The following CNTNAP2 variants were observed in gnomAD, a reference collection of about 807,000 sequenced individuals.
CNTNAP2 encodes contactin associated protein 2.
CNTNAP2 carries 98 observed loss-of-function variants against 155.2 expected under a neutral mutation model. The observed-to-expected ratio is 0.63, with a 90% CI of 0.54 to 0.75. The LOEUF (loss-of-function observed/expected upper bound fraction) is 0.75. CNTNAP2 is among the 30% of genes least tolerant of loss of function. The pLI is 0.00. For missense variants in CNTNAP2, 1,727 were observed against 1,688.1 expected, an observed-to-expected ratio of 1.02 and a Z score of -0.40; for synonymous variants, 651 against 631.2, an observed-to-expected ratio of 1.03 and a Z score of -0.47.
rs183377921 is a variant in CNTNAP2, at chr7:147,187,703, C to T, written c.1348+55194C>T. 3.3e-4 allele frequency among the ~76,000 whole-genome samples: 50 copies of T among 152,206 alleles called. 1 individual carries two copies. The highest frequency in any genetic ancestry group is 1.1e-3 in the African/African-American group (45 of 41,530). On this transcript the variant is annotated intron_variant, in intron 8 of 23. Transcript: ENST00000361727. The stretch of plus-strand genomic sequence containing the variant: ...CATACCTTAGCATCACACTATATAT[C>T]TTTGTAAAAACCTGCATCTGTACCC...
intron 12 of CNTNAP2, among the ~76,000 whole-genome samples, chr7:147,580,059 CA>C (rs1800469755): frequency 1.3e-5 from 2 of 152,272 alleles, no homozygotes; most frequent in African/African-American, 4.8e-5. Context: ...GTAAATTATT[CA>C]ACTGGATTCT....
At chr7:147,091,002 C>A (rs182886975) in intron 4 of CNTNAP2, among the ~76,000 whole-genome samples, 18 of 152,046 alleles carry the variant, frequency 1.2e-4, no homozygotes, top group Middle Eastern at 6.8e-3. Context: ...TAAGCTTGGG[C>A]AAGTCAATCA....
rs36020816 is a variant in CNTNAP2 at position 148,405,420 on chromosome 7, A to ATTTTTTTTTTTTTTTTTTTTTTTT, written c.3716-3968_3716-3945dup. 5.0e-4 allele frequency among the ~76,000 whole-genome samples: 32 copies of ATTTTTTTTTTTTTTTTTTTTTTTT among 64,306 alleles called. 6 individuals carry two copies. The highest frequency in any genetic ancestry group is 6.4e-4 in the Non-Finnish European group (24 of 37,684). 42.2% of individuals were successfully genotyped at this position (64,306 alleles called of 152,430 possible). ...TCAAGGGAACCAGATTACCATTGTA[A>ATTTTTTTTTTTTTTTTTTTTTTTT]TTTTTTTTTTTTTTTTTTTTTTTTT... On this transcript the variant is annotated intron_variant, in intron 22 of 23. Coordinates refer to ENST00000361727, the MANE Select transcript of CNTNAP2 (RefSeq NM_014141.6).
intron 1 of CNTNAP2, among the ~76,000 whole-genome samples, chr7:146,379,158 T>G (rs1795346672): frequency 6.6e-6 from 1 of 152,200 alleles, no homozygotes; most frequent in African/African-American, 2.4e-5. Flanking sequence ...ACCCAGAACC[T>G]TGGGATTTTC....
intron 19 of CNTNAP2, among the ~76,000 whole-genome samples, chr7:148,222,064 G>A (rs931301608): frequency 2.0e-5 from 3 of 152,190 alleles, no homozygotes; most frequent in Non-Finnish European, 4.4e-5. Context: ...TGTGAGGGGA[G>A]CCTTGCTCCT....
intron 8 of CNTNAP2, among the ~76,000 whole-genome samples, chr7:147,151,641 C>A (rs562091225): frequency 6.6e-6 from 1 of 151,278 alleles, no homozygotes; most frequent in African/African-American, 2.4e-5. Context: ...TGTTTCTTTG[C>A]CAATAATTTT....
At chr7:147,981,423 G>C (rs532522123) in intron 15 of CNTNAP2, among the ~76,000 whole-genome samples, 1 of 152,298 alleles carries the variant, frequency 6.6e-6, no homozygotes, top group East Asian at 1.9e-4. Context: ...GCTGTTTATA[G>C]AGATGAACTT....
At chr7:147,937,694 A>G (rs1023651028) in intron 14 of CNTNAP2, among the ~76,000 whole-genome samples, 1 of 151,660 alleles carries the variant, frequency 6.6e-6, no homozygotes, top group South Asian at 2.1e-4. Context: ...GAAAGCAACA[A>G]CTCCTGCGTG....
At chr7:146,254,789 A>ACT (rs1378799951) in intron 1 of CNTNAP2, among the ~76,000 whole-genome samples, 1 of 152,066 alleles carries the variant, frequency 6.6e-6, no homozygotes, top group Non-Finnish European at 1.5e-5. Flanking sequence ...GATGATCAGA[A>ACT]CTCTGAGTTT....
intron 3 of CNTNAP2, among the ~76,000 whole-genome samples, chr7:146,908,007 T>G (rs1796178194): frequency 6.6e-6 from 1 of 152,170 alleles, no homozygotes; most frequent in South Asian, 2.1e-4. Flanking sequence ...AATCCTAGTC[T>G]CTGATAAAAC....
At chr7:146,239,218 T>C (rs1478247808) in intron 1 of CNTNAP2, among the ~76,000 whole-genome samples, 1 of 150,748 alleles carries the variant, frequency 6.6e-6, no homozygotes, top group Non-Finnish European at 1.5e-5. Flanking sequence ...AGTGGCATTT[T>C]CCCCCCTGAT....
chr7:147,678,934 C>T (rs1795909185), intron 13 of CNTNAP2, among the ~76,000 whole-genome samples: 1 of 151,768 alleles, frequency 6.6e-6, no homozygotes, highest in Non-Finnish European at 1.5e-5. Flanking sequence ...TTCAGAAAAC[C>T]ATAGGGCCAC....
intron 10 of CNTNAP2, among the ~76,000 whole-genome samples, chr7:147,455,571 T>C (rs1398399391): frequency 1.3e-5 from 2 of 152,066 alleles, no homozygotes; most frequent in Non-Finnish European, 2.9e-5. Flanking sequence ...AGAATAACAT[T>C]ATGAGTAAAA....
intron 2 of CNTNAP2, among the ~76,000 whole-genome samples, chr7:146,795,396 A>G (rs1585094114): frequency 6.6e-6 from 1 of 152,214 alleles, no homozygotes; most frequent in South Asian, 2.1e-4. Flanking sequence ...TTAAAAGTAC[A>G]GAATATATTA....
intron 1 of CNTNAP2, among the ~76,000 whole-genome samples, chr7:146,118,542 T>A (rs755611700): frequency 7.0e-4 from 107 of 152,064 alleles, no homozygotes; most frequent in Non-Finnish European, 1.4e-3. Context: ...CCTCATATAT[T>A]AAATTTATTA....
At chr7:147,628,753 C>T (rs970604553) in intron 12 of CNTNAP2, among the ~76,000 whole-genome samples, 2 of 150,132 alleles carry the variant, frequency 1.3e-5, no homozygotes, top group Non-Finnish European at 3.0e-5. Context: ...TAAGGACTCA[C>T]ATAAACTTAA....
At chr7:147,236,075 C>G (rs1045608606) in intron 8 of CNTNAP2, among the ~76,000 whole-genome samples, 4 of 152,154 alleles carry the variant, frequency 2.6e-5, no homozygotes, top group Admixed American at 2.0e-4. Flanking sequence ...ATATACTTAA[C>G]CCCCAGTTAT....
chr7:147,331,176 G>C (rs1795559343), intron 9 of CNTNAP2, among the ~76,000 whole-genome samples: 2 of 152,070 alleles, frequency 1.3e-5, no homozygotes, highest in Non-Finnish European at 2.9e-5. Context: ...CATGGAAAGG[G>C]ATGACACAGA....
chr7:147,835,969 G>A (rs1169948260), intron 13 of CNTNAP2, among the ~76,000 whole-genome samples: 1 of 152,172 alleles, frequency 6.6e-6, no homozygotes, highest in African/African-American at 2.4e-5. Flanking sequence ...TCCTGCTGAG[G>A]CCTCCATTGT....
Sources: allele counts gnomAD v4.1 joint callset (sites outside exome capture counted in the v4.1 genomes callset), GRCh38; gene constraint gnomAD v4.1.1; transcripts MANE v1.5; gene names NCBI Gene and HGNC (gene_info 2026-07-23, HGNC 2026-07-21).